SPTBN2: variants seen among roughly 807,000 people sequenced by gnomAD.
SPTBN2 encodes the protein spectrin beta chain, non-erythrocytic 2.
A neutral mutation model predicts 284.2 loss-of-function variants in SPTBN2; 107 were observed. The observed-to-expected ratio is 0.38, with a 90% CI of 0.32 to 0.44. The LOEUF (loss-of-function observed/expected upper bound fraction) is 0.44, where lower values mean the gene tolerates loss of function less well. Ranked by LOEUF, SPTBN2 falls within the 20% of genes least tolerant of loss-of-function variation. SPTBN2 has a pLI of 1.00. For missense variants in SPTBN2, 2,569 were observed against 3,287.1 expected (o/e 0.78, Z 5.34); for synonymous variants, 1,289 against 1,354.8 (o/e 0.95, Z 1.07).
At position 66,684,541 on chromosome 11, in the gene SPTBN2, G is replaced by A. The variant is rs1939987660; in HGVS notation, c.*1330C>T. Among the ~76,000 whole-genome samples, 1 of 151,868 alleles carries A rather than the reference G, an allele frequency of 6.6e-6. No homozygotes were observed. The highest frequency in any genetic ancestry group is 2.4e-5 in the African/African-American group (1 of 41,302). On this transcript the variant is annotated 3_prime_UTR_variant, in exon 38 of 38. Coordinates refer to ENST00000533211, the MANE Select transcript of SPTBN2 (RefSeq NM_006946.4). Reference sequence around the variant, plus strand: ...TTCAGGCTACTCGGGAGGCTGAGGTGGGAGGATTGCTTGAACCCAGGAGGT... The same window carrying A: ...TTCAGGCTACTCGGGAGGCTGAGGTAGGAGGATTGCTTGAACCCAGGAGGT...
intron 1 of SPTBN2, among the ~76,000 whole-genome samples, chr11:66,742,202 T>G (rs1053981364): frequency 6.6e-6 from 1 of 152,226 alleles, no homozygotes; most frequent in Admixed American, 6.5e-5. Context: ...GATTACAAAA[T>G]TGGGAGAACT....
rs1047500547 is a variant in SPTBN2, at chr11:66,718,927, G to A, written c.157+2157C>T. Among the ~76,000 whole-genome samples, 67 of 152,298 alleles carry A rather than the reference G, an allele frequency of 4.4e-4. No individual in the cohort carries two copies. The highest frequency in any genetic ancestry group is 1.6e-3 in the African/African-American group (66 of 41,554). On this transcript the variant is annotated intron_variant, in intron 3 of 37. Transcript: ENST00000533211. This position sits in a 1 kb window ranked among gnomAD's most constrained non-coding sequence, Gnocchi z 4.8. ...GGGGCAGGGCCAGGCCCTGCGGGGC[G>A]GCGGAGGAGGGCACTGCCAGCGCCT...
intron 1 of SPTBN2, among the ~76,000 whole-genome samples, chr11:66,722,154 T>A (rs1763642679): frequency 1.3e-5 from 2 of 152,214 alleles, no homozygotes; most frequent in Admixed American, 1.3e-4. Flanking sequence ...CAGAGAATGT[T>A]AGTAAGTACT....
chr11:66,690,352 G>A, intron 27 of SPTBN2, 69 bp from the exon 28 acceptor site: 1 of 1,482,150 alleles, frequency 6.7e-7, no homozygotes, highest in Non-Finnish European at 8.9e-7. Context: ...CCTCAGTCCT[G>A]GCTGCCACTC....
Position 66,687,649 on chromosome 11 carries a change from T to TGG in SPTBN2, c.6502-4_6502-3dup. 1 of 1,589,780 alleles carries TGG rather than the reference T, an allele frequency of 6.3e-7. No individual in the cohort carries two copies. Among genetic ancestry groups the TGG allele is most frequent in the Non-Finnish European group, 8.6e-7 (1 of 1,167,974 alleles). On this transcript the variant is annotated splice_polypyrimidine_tract_variant and splice_region_variant and intron_variant, in intron 34 of 37. Transcript: ENST00000533211. The surrounding 1 kb of genome is among the most constrained non-coding windows in gnomAD (Gnocchi z 5.2). ...GGCTTCGTCCCCTGAGCCAGGTCCCTGGGGGGGAATCAGTGTCAGTGTCAA... is the reference window on the plus strand; with the variant it reads ...GGCTTCGTCCCCTGAGCCAGGTCCCTGGGGGGGGGAATCAGTGTCAGTGTCAA...
intron 1 of SPTBN2, among the ~76,000 whole-genome samples, chr11:66,734,505 T>G (rs1174888750): frequency 2.0e-5 from 3 of 152,188 alleles, no homozygotes; most frequent in Non-Finnish European, 4.4e-5. Flanking sequence ...ATTTTGAGCA[T>G]GCTCTTCCTT....
chr11:66,714,394 CT>C lies in SPTBN2; in HGVS notation c.496del (p.Ser166ValfsTer23). 6.2e-7 allele frequency: 1 copy of C among 1,614,066 alleles called. No homozygotes were observed. The highest frequency in any genetic ancestry group is 8.5e-7 in the Non-Finnish European group (1 of 1,179,980). ...IILRFQIQDI[S>X]VETEDNKEKK... The stretch of plus-strand genomic sequence containing the variant: ...CTCCTTGTTGTCTTCTGTCTCCACA[CT>C]GATGTCTTGGATCTAGGAAGGAAGC... On this transcript the variant is annotated frameshift_variant, in exon 6 of 38. Coordinates refer to ENST00000533211, the MANE Select transcript of SPTBN2 (RefSeq NM_006946.4). LOFTEE classifies it high-confidence loss of function.
Position 66,708,785 on chromosome 11 carries a change from G to T in SPTBN2, c.1191+117C>A. ...GGCAGAGTGCTCGAGTTTCAAGTTG[G>T]GGCAGCAGATAGTAGAACTTGGTGA... On this transcript the variant is annotated intron_variant, in intron 11 of 37. Transcript: ENST00000533211. The surrounding 1 kb of genome is among the most constrained non-coding windows in gnomAD (Gnocchi z 4.4). 1.2e-6 allele frequency: 1 copy of T among 821,560 alleles called. No individual in the cohort carries two copies. Among genetic ancestry groups the T allele is most frequent in the Admixed American group, 1.9e-5 (1 of 52,208 alleles). 50.9% of individuals were successfully genotyped at this position (821,560 alleles called of 1,614,324 possible).
At position 66,720,319 on chromosome 11, in the gene SPTBN2, G is replaced by C. The variant is rs540711894; in HGVS notation, c.157+765C>G. 3.9e-5 allele frequency among the ~76,000 whole-genome samples: 6 copies of C among 152,332 alleles called. No individual in the cohort carries two copies. In the East Asian group the frequency reaches 7.7e-4, roughly 20 times the overall value. On this transcript the variant is annotated intron_variant, in intron 3 of 37. Coordinates refer to ENST00000533211, the MANE Select transcript of SPTBN2 (RefSeq NM_006946.4). ...CAATGGCAATGACAAGAGTGGGATG[G>C]AGGAGGAAGCCAGACGGGGTAGGTG...
chr11:66,691,985 C>T lies in SPTBN2; in HGVS notation c.5191-327G>A, dbSNP rs567617775. ...ACTGTCGGGGGGGTGGATCATACTCCGTTTTGTTGAATTCTGTTGAAAAGT... is the reference window on the plus strand; with the variant it reads ...ACTGTCGGGGGGGTGGATCATACTCTGTTTTGTTGAATTCTGTTGAAAAGT... On this transcript the variant is annotated intron_variant, in intron 26 of 37. Transcript: ENST00000533211. This position sits in a 1 kb window ranked among gnomAD's most constrained non-coding sequence, Gnocchi z 8.0. Among the ~76,000 whole-genome samples, 3 of 152,144 alleles carry T rather than the reference C, an allele frequency of 2.0e-5. No individual in the cohort carries two copies. Among genetic ancestry groups the T allele is most frequent in the African/African-American group, 4.8e-5 (2 of 41,434 alleles).
intron 15 of SPTBN2, among the ~76,000 whole-genome samples, chr11:66,703,174 G>A (rs563672919): frequency 6.5e-4 from 99 of 151,748 alleles, no homozygotes; most frequent in Admixed American, 1.1e-3. Context: ...TCGACCTCTG[G>A]GCTCAAGCAA....
rs778931869 is a variant in SPTBN2 at position 66,704,930 on chromosome 11, C to T, written c.2346G>A (p.Thr782=). ...CCCGATGCTGCCTGGCTAGAGCCTG[C>T]GTGGAGAACTCGTCGTGCCCCAGCT... is the stretch of plus-strand genomic sequence containing the variant. ...SPELGHDEFS[T]QALARQHRAL... Residue 782 remains threonine, a synonymous_variant, in exon 15 of 38, where the codon ACG becomes ACA. Transcript: ENST00000533211. The T allele has an allele frequency of 1.3e-5, 21 of 1,611,256 alleles. No individual in the cohort carries two copies. The highest frequency in any genetic ancestry group is 1.1e-4 in the East Asian group (5 of 44,894).
At chr11:66,695,466 C>A (rs995779299) in intron 21 of SPTBN2, among the ~76,000 whole-genome samples, 1 of 152,094 alleles carries the variant, frequency 6.6e-6, no homozygotes, top group Non-Finnish European at 1.5e-5. Flanking sequence ...GCCATGTTGC[C>A]CAGGCTAGTC....
At chr11:66,689,777 A>C (rs1476594436) in intron 29 of SPTBN2, 28 bp downstream of exon 29, 9 of 1,611,620 alleles carry the variant, frequency 5.6e-6, no homozygotes, top group Non-Finnish European at 7.6e-6. Flanking sequence ...CACAGTGAGA[A>C]TGGCCCGGCC....
rs747582537 is a variant in SPTBN2, at chr11:66,691,630, G to A, written c.5219C>T (p.Ser1740Phe). 6.8e-6 allele frequency: 11 copies of A among 1,613,726 alleles called. No individual in the cohort carries two copies. The highest frequency in any genetic ancestry group is 3.3e-4 in the Middle Eastern group (2 of 6,084). The change falls in exon 27 of 38, where the codon TCC (serine) becomes TTC (phenylalanine). Residue 1740 changes from serine (S) to phenylalanine (F), a missense_variant. Physicochemically the swap from Ser to Phe is radical, Grantham distance 155. This residue lies in a region of SPTBN2 where 1,130 missense variants were observed against 1,317.3 expected (regional missense o/e 0.86). Coordinates refer to ENST00000533211, the MANE Select transcript of SPTBN2 (RefSeq NM_006946.4). The surrounding 1 kb of genome is among the most constrained non-coding windows in gnomAD (Gnocchi z 8.0). ...CTGACCGATGGTGCTTGTGTCCCGG[G>A]AGAACTCTCGGAATTTGTCTCGGAG... ...TMLRDKFREFSRDTSTIGQER... is the reference protein window; with the variant it reads ...TMLRDKFREFFRDTSTIGQER...
At chr11:66,706,352 T>C (rs1350076154) in intron 13 of SPTBN2, among the ~76,000 whole-genome samples, 5 of 152,240 alleles carry the variant, frequency 3.3e-5, no homozygotes, top group Admixed American at 3.3e-4. Context: ...TATTTTGAGA[T>C]GGAGTCTCGC....
chr11:66,704,468 C>T (rs975728510), intron 15 of SPTBN2, 130 bp downstream of exon 15: 6 of 1,145,128 alleles, frequency 5.2e-6, no homozygotes, highest in Non-Finnish European at 7.3e-6. Context: ...TTTGTTAAAA[C>T]TAGAAATGGA....
Position 66,687,743 on chromosome 11 carries a change from C to T in SPTBN2, c.6502-96G>A, listed in dbSNP as rs1427956452. 7 of 1,583,702 alleles carry T rather than the reference C, an allele frequency of 4.4e-6. No homozygotes were observed. The highest frequency in any genetic ancestry group is 5.2e-6 in the Non-Finnish European group (6 of 1,155,734). On this transcript the variant is annotated intron_variant, in intron 34 of 37. Transcript: ENST00000533211. This position sits in a 1 kb window ranked among gnomAD's most constrained non-coding sequence, Gnocchi z 5.2. The stretch of plus-strand genomic sequence containing the variant: ...GTGTCCAGGAGTTGGTCTTCCTGCC[C>T]CCAAGCTGCCTGTGAGCCTCTGCCC...
chr11:66,717,031 G>A (rs1942180374), intron 3 of SPTBN2, among the ~76,000 whole-genome samples: 1 of 152,154 alleles, frequency 6.6e-6, no homozygotes, highest in Non-Finnish European at 1.5e-5. Context: ...TGGCTGCAAG[G>A]GGATCCAGTT....
Sources: allele counts gnomAD v4.1 joint callset (sites outside exome capture counted in the v4.1 genomes callset), GRCh38; gene constraint gnomAD v4.1.1; regional missense constraint gnomAD v4.1.1; non-coding constraint Gnocchi (gnomAD v3.1); transcripts MANE v1.5; gene names NCBI Gene and HGNC (gene_info 2026-07-23, HGNC 2026-07-21).